Variants in MAD1L1 observed in about 807,000 individuals in gnomAD.
MAD1L1 encodes the protein mitotic arrest deficient 1 like 1.
Under a neutral mutation model 96.9 loss-of-function variants are expected in MAD1L1, and 95 were observed. The ratio of observed to expected loss-of-function variants is 0.98; its 90% CI spans 0.83 to 1.16. The LOEUF is 1.16. Ranked by LOEUF, MAD1L1 falls within the 50% of genes most tolerant of loss-of-function variation. MAD1L1 has a pLI of 0.00. For missense variants in MAD1L1, 1,007 were observed against 954.4 expected (o/e 1.06, Z -0.73); for synonymous variants, 473 against 396.6 (o/e 1.19, Z -2.29).
intron 15 of MAD1L1, among the ~76,000 whole-genome samples, chr7:1,973,803 T>C (rs1780510813): frequency 6.6e-6 from 1 of 152,122 alleles, no homozygotes; most frequent in South Asian, 2.1e-4. Flanking sequence ...CCGATCCCTG[T>C]TGGGCATGGC....
In MAD1L1 at chr7:2,119,019, A is replaced by G. The variant is rs1787852595; in HGVS notation, c.1073+30133T>C. Among the ~76,000 whole-genome samples the G allele has an allele frequency of 6.6e-6, 1 of 151,992 alleles. No homozygotes were observed. Among genetic ancestry groups the G allele is most frequent in the South Asian group, 2.1e-4 (1 of 4,806 alleles). On this transcript the variant is annotated intron_variant, in intron 11 of 18. Transcript: ENST00000265854. The surrounding 1 kb of genome is among the most constrained non-coding windows in gnomAD (Gnocchi z 4.6). ...GCTGCCTGGGCTCGCCCCAGCCTCC[A>G]GCCCCACGTGACGGTCTGCCTCCCA...
chr7:1,873,991 G>C (rs569103585), intron 18 of MAD1L1, among the ~76,000 whole-genome samples: 1 of 151,670 alleles, frequency 6.6e-6, no homozygotes, highest in East Asian at 1.9e-4. Context: ...GGTCAGTTCC[G>C]GTGGGGAGGC....
chr7:1,880,728 AG>A (rs1171465026), intron 18 of MAD1L1, among the ~76,000 whole-genome samples: 1 of 152,248 alleles, frequency 6.6e-6, no homozygotes, highest in Non-Finnish European at 1.5e-5. Context: ...CCGGCCCCTG[AG>A]GGCAGGCAAG....
At chr7:1,978,175 C>T (rs1780733194) in intron 15 of MAD1L1, among the ~76,000 whole-genome samples, 1 of 152,252 alleles carries the variant, frequency 6.6e-6, no homozygotes, top group African/African-American at 2.4e-5. Flanking sequence ...CACATTGAAG[C>T]CTGTCTGGCA....
intron 10 of MAD1L1, among the ~76,000 whole-genome samples, chr7:2,149,444 G>A (rs1437893090): frequency 1.3e-5 from 2 of 152,120 alleles, no homozygotes; most frequent in African/African-American, 4.8e-5. Flanking sequence ...GCAACACCGG[G>A]GAGATGACCT....
At chr7:2,221,998 C>T (rs978478273) in intron 5 of MAD1L1, among the ~76,000 whole-genome samples, 27 of 152,002 alleles carry the variant, frequency 1.8e-4, no homozygotes, top group African/African-American at 6.3e-4. Flanking sequence ...CACAAACACA[C>T]TAAACGTCCA....
chr7:2,185,934 T>C (rs562274763), intron 10 of MAD1L1, among the ~76,000 whole-genome samples: 1 of 152,306 alleles, frequency 6.6e-6, no homozygotes, highest in Admixed American at 6.5e-5. Context: ...GGAGGGTGCC[T>C]GAGAGCCTGA....
intron 14 of MAD1L1, among the ~76,000 whole-genome samples, chr7:1,999,750 G>T (rs184057456): frequency 6.6e-6 from 1 of 152,270 alleles, no homozygotes; most frequent in East Asian, 1.9e-4. Context: ...TTCCCTCCCG[G>T]CTCCAGGCCC....
intron 11 of MAD1L1, among the ~76,000 whole-genome samples, chr7:2,127,059 T>G (rs906429227): frequency 1.3e-5 from 2 of 151,896 alleles, no homozygotes. Context: ...CAGACGCGGG[T>G]GGGATGAAGA....
chr7:2,219,533 A>G, intron 5 of MAD1L1, 77 bp from the exon 6 acceptor site: 2 of 1,534,170 alleles, frequency 1.3e-6, no homozygotes, highest in Middle Eastern at 1.7e-4. Flanking sequence ...TGGAGATGAG[A>G]AGAGTGGAGA....
intron 18 of MAD1L1, among the ~76,000 whole-genome samples, chr7:1,868,496 T>C (rs1328372599): frequency 1.1e-5 from 1 of 89,814 alleles, no homozygotes; most frequent in Non-Finnish European, 2.4e-5. Context: ...ACCCCACGGA[T>C]AATTTACACA....
At chr7:2,188,562 A>T (rs924279234) in intron 10 of MAD1L1, among the ~76,000 whole-genome samples, 2 of 152,230 alleles carry the variant, frequency 1.3e-5, no homozygotes, top group Non-Finnish European at 2.9e-5. Context: ...AATTTTTGAC[A>T]AAGGTGCCAA....
chr7:1,841,372 C>T (rs1783248242), intron 18 of MAD1L1, among the ~76,000 whole-genome samples: 1 of 152,184 alleles, frequency 6.6e-6, no homozygotes, highest in African/African-American at 2.4e-5. Context: ...AGAAGTCATT[C>T]ACAGCCCGAC....
intron 11 of MAD1L1, among the ~76,000 whole-genome samples, chr7:2,147,202 C>T (rs777669438): frequency 3.0e-4 from 45 of 152,186 alleles, no homozygotes; most frequent in Admixed American, 5.9e-4. Flanking sequence ...AAGAGAGGAC[C>T]AGGTGCCTGC....
At chr7:2,009,077 G>A (rs1377990482) in intron 13 of MAD1L1, among the ~76,000 whole-genome samples, 1 of 152,228 alleles carries the variant, frequency 6.6e-6, no homozygotes, top group African/African-American at 2.4e-5. Context: ...CTCCACCCAA[G>A]CAGCTGAAGG....
chr7:1,830,939 G>A (rs1455453467), intron 18 of MAD1L1, among the ~76,000 whole-genome samples: 4 of 152,170 alleles, frequency 2.6e-5, no homozygotes, highest in Non-Finnish European at 4.4e-5. Flanking sequence ...CAGTGAAAAG[G>A]CAGAGAATGT....
intron 12 of MAD1L1, among the ~76,000 whole-genome samples, chr7:2,049,639 T>C (rs1784078299): frequency 1.3e-5 from 2 of 152,206 alleles, no homozygotes; most frequent in African/African-American, 4.8e-5. Flanking sequence ...CCCCATGTCT[T>C]GCTGGAGGGC....
chr7:2,046,755 T>C (rs1013630097), intron 12 of MAD1L1, among the ~76,000 whole-genome samples: 1 of 151,806 alleles, frequency 6.6e-6, no homozygotes, highest in Non-Finnish European at 1.5e-5. Context: ...AAGAGGTGAG[T>C]CCTTTCCAGA....
chr7:2,110,035 C>T (rs1167420323), intron 11 of MAD1L1, among the ~76,000 whole-genome samples: 1 of 152,262 alleles, frequency 6.6e-6, no homozygotes, highest in African/African-American at 2.4e-5. Flanking sequence ...GGCCATGAGG[C>T]CCACGCCTTT....
Sources: allele counts gnomAD v4.1 joint callset (sites outside exome capture counted in the v4.1 genomes callset), GRCh38; gene constraint gnomAD v4.1.1; non-coding constraint Gnocchi (gnomAD v3.1); transcripts MANE v1.5; gene names NCBI Gene and HGNC (gene_info 2026-07-23, HGNC 2026-07-21).